Variants in PEBP4 observed in about 807,000 individuals in gnomAD.
PEBP4 encodes phosphatidylethanolamine-binding protein 4.
A neutral mutation model predicts 23.9 loss-of-function variants in PEBP4; 22 were observed. The ratio of observed to expected loss-of-function variants is 0.92; its 90% CI spans 0.66 to 1.31. PEBP4 has a LOEUF of 1.31. Ranked by LOEUF, PEBP4 falls within the 40% of genes most tolerant of loss-of-function variation. PEBP4 has a pLI of 0.00. For synonymous variants in PEBP4, 112 were observed against 99.3 expected (o/e 1.13, Z -0.76); for missense variants, 324 against 281.7 (o/e 1.15, Z -1.07).
intron 6 of PEBP4, among the ~76,000 whole-genome samples, chr8:22,724,081 G>A (rs1015586040): frequency 5.3e-5 from 8 of 152,228 alleles, no homozygotes; most frequent in Non-Finnish European, 7.3e-5. Flanking sequence ...CCCTAAAATT[G>A]GGGAGCTGAG....
At chr8:22,730,549 G>A (rs971830056) in intron 4 of PEBP4, among the ~76,000 whole-genome samples, 2 of 152,128 alleles carry the variant, frequency 1.3e-5, no homozygotes, top group African/African-American at 4.8e-5. Context: ...ACAAATATAT[G>A]GATTAGAATG....
chr8:22,794,811 A>G (rs1806209955), intron 4 of PEBP4, among the ~76,000 whole-genome samples: 1 of 152,160 alleles, frequency 6.6e-6, no homozygotes, highest in Admixed American at 6.5e-5. Context: ...TATTGAGATC[A>G]GAGAAATATT....
At chr8:22,782,316 G>C (rs921719004) in intron 4 of PEBP4, among the ~76,000 whole-genome samples, 3 of 152,216 alleles carry the variant, frequency 2.0e-5, no homozygotes, top group Non-Finnish European at 4.4e-5. Flanking sequence ...TAAAAACAGA[G>C]TAGTGCAAAC....
chr8:22,912,769 G>A (rs78027511), intron 3 of PEBP4, among the ~76,000 whole-genome samples: 1,848 of 152,304 alleles, frequency 0.012, 28 homozygotes, highest in African/African-American at 0.04. Flanking sequence ...GAGGAGCCCC[G>A]GATGACCTGG....
intron 3 of PEBP4, among the ~76,000 whole-genome samples, chr8:22,833,898 AG>A (rs1563231460): frequency 6.6e-6 from 1 of 152,196 alleles, no homozygotes; most frequent in Non-Finnish European, 1.5e-5. Context: ...ATGTAGAGTT[AG>A]GGACAAGAAT....
intron 3 of PEBP4, among the ~76,000 whole-genome samples, chr8:22,818,172 C>T (rs1419429522): frequency 6.6e-6 from 1 of 152,112 alleles, no homozygotes; most frequent in Admixed American, 6.5e-5. Context: ...CAAAGAACAC[C>T]AGGATTCATT....
chr8:22,906,811 C>T (rs538917980), intron 3 of PEBP4, among the ~76,000 whole-genome samples: 1 of 152,332 alleles, frequency 6.6e-6, no homozygotes, highest in African/African-American at 2.4e-5. Flanking sequence ...ATAAACCAGA[C>T]AAAGATTCCT....
intron 4 of PEBP4, among the ~76,000 whole-genome samples, chr8:22,741,772 C>T (rs989371220): frequency 5.3e-5 from 8 of 152,142 alleles, no homozygotes; most frequent in Non-Finnish European, 1.2e-4. Flanking sequence ...GGCAGGAGAG[C>T]GGGGTTGGGG....
chr8:22,905,196 T>A (rs1808785871), intron 3 of PEBP4, among the ~76,000 whole-genome samples: 1 of 151,782 alleles, frequency 6.6e-6, no homozygotes, highest in African/African-American at 2.4e-5. Flanking sequence ...AAAATCACAT[T>A]TTTTATATTG....
At chr8:22,792,935 T>C (rs1806170602) in intron 4 of PEBP4, among the ~76,000 whole-genome samples, 1 of 152,244 alleles carries the variant, frequency 6.6e-6, no homozygotes, top group African/African-American at 2.4e-5. Flanking sequence ...ATTCTTTTTA[T>C]ATTCCCCACC....
intron 3 of PEBP4, among the ~76,000 whole-genome samples, chr8:22,871,417 A>G (rs1808004293): frequency 6.6e-6 from 1 of 152,148 alleles, no homozygotes; most frequent in South Asian, 2.1e-4. Flanking sequence ...GTCCTGTACT[A>G]AGAGATTTAC....
chr8:22,788,159 T>G (rs933248148), intron 4 of PEBP4, among the ~76,000 whole-genome samples: 2 of 151,466 alleles, frequency 1.3e-5, no homozygotes, highest in Non-Finnish European at 1.5e-5. Flanking sequence ...GGGAAGGATG[T>G]TGAGAAGGAC....
intron 4 of PEBP4, among the ~76,000 whole-genome samples, chr8:22,785,875 A>G (rs1806017368): frequency 1.3e-5 from 2 of 152,104 alleles, no homozygotes; most frequent in Admixed American, 1.3e-4. Flanking sequence ...CAACGGGGCT[A>G]CTCTAAAGAA....
At chr8:22,801,822 C>G (rs920078347) in intron 4 of PEBP4, among the ~76,000 whole-genome samples, 1 of 152,096 alleles carries the variant, frequency 6.6e-6, no homozygotes, top group Admixed American at 6.5e-5. Flanking sequence ...CCCTCCTACC[C>G]TATATGTGCA....
chr8:22,935,028 G>T (rs1232459339), intron 1 of PEBP4, among the ~76,000 whole-genome samples: 3 of 152,170 alleles, frequency 2.0e-5, no homozygotes, highest in African/African-American at 4.8e-5. Context: ...GAAGGGCATT[G>T]TATATTGATA....
At position 22,865,574 on chromosome 8, in the gene PEBP4, A is replaced by G. The variant is rs1444660406; in HGVS notation, c.259-47839T>C. 6.6e-6 allele frequency among the ~76,000 whole-genome samples: 1 copy of G among 151,526 alleles called. No homozygotes were observed. Among genetic ancestry groups the G allele is most frequent in the Non-Finnish European group, 1.5e-5 (1 of 67,800 alleles). The stretch of plus-strand genomic sequence containing the variant: ...GTGCCGGTGCCGCAGCCGCCGGGGA[A>G]GGAATTCCCTCCGCCCGGGCGCACG... On this transcript the variant is annotated intron_variant, in intron 3 of 6. Transcript: ENST00000256404. The surrounding 1 kb of genome is among the most constrained non-coding windows in gnomAD (Gnocchi z 6.9).
intron 2 of PEBP4, 22 bp downstream of exon 2, chr8:22,927,562 C>T (rs761442342): frequency 2.6e-5 from 42 of 1,603,004 alleles, no homozygotes; most frequent in Non-Finnish European, 3.5e-5. Context: ...TGCCTCCCGC[C>T]TCCAAGCCTG....
Position 22,832,648 on chromosome 8 carries a change from C to T in PEBP4, c.259-14913G>A, listed in dbSNP as rs578030986. 2.0e-4 allele frequency among the ~76,000 whole-genome samples: 31 copies of T among 152,078 alleles called. 1 individual carries two copies. Among genetic ancestry groups the T allele is most frequent in the South Asian group, 8.3e-4 (4 of 4,822 alleles). ...GTCTGCCTTTCCCCAAGAGGAGAAA[C>T]GAAAAGTATCCTTAGGATGGAATGT... On this transcript the variant is annotated intron_variant, in intron 3 of 6. Coordinates refer to ENST00000256404, the MANE Select transcript of PEBP4 (RefSeq NM_144962.3).
At chr8:22,805,304 C>T (rs1275563095) in intron 4 of PEBP4, among the ~76,000 whole-genome samples, 20 of 152,172 alleles carry the variant, frequency 1.3e-4, no homozygotes, top group African/African-American at 3.1e-4. Context: ...TGTAGGTTCA[C>T]GGATTGTTAG....
Sources: allele counts gnomAD v4.1 joint callset (sites outside exome capture counted in the v4.1 genomes callset), GRCh38; gene constraint gnomAD v4.1.1; non-coding constraint Gnocchi (gnomAD v3.1); transcripts MANE v1.5; gene names NCBI Gene and HGNC (gene_info 2026-07-23, HGNC 2026-07-21).